IFT25: variants seen among roughly 807,000 people sequenced by gnomAD.
The protein encoded by IFT25 is intraflagellar transport protein 25 homolog.
chr1:53,936,467 C>T, the IFT25 span, among the ~76,000 whole-genome samples: 7 of 152,128 alleles, frequency 4.6e-5, no homozygotes, highest in South Asian at 1.5e-3. Flanking sequence ...ATAAAAAAGA[C>T]ATCTAACTAA....
At chr1:53,921,732 A>G in the IFT25 span, 2 of 1,613,918 alleles carry the variant, frequency 1.2e-6, no homozygotes, top group Non-Finnish European at 8.5e-7. Context: ...CTGATACAAT[A>G]ATGAATCTCA....
chr1:53,942,239 T>A, the IFT25 span, among the ~76,000 whole-genome samples: 1 of 152,152 alleles, frequency 6.6e-6, no homozygotes, highest in Non-Finnish European at 1.5e-5. Flanking sequence ...TTGAAAAAAA[T>A]CCATCATACA....
At chr1:53,937,496 G>GTAT in the IFT25 span, among the ~76,000 whole-genome samples, 2 of 152,148 alleles carry the variant, frequency 1.3e-5, no homozygotes, top group Non-Finnish European at 1.5e-5. Flanking sequence ...AGTCCCCGAT[G>GTAT]TATTCTGTTC....
At chr1:53,939,129 C>T in the IFT25 span, among the ~76,000 whole-genome samples, 8 of 147,932 alleles carry the variant, frequency 5.4e-5, no homozygotes, top group African/African-American at 1.0e-4. Flanking sequence ...CAGTAGCTTA[C>T]GCCTGTAATC....
the IFT25 span, among the ~76,000 whole-genome samples, chr1:53,925,237 CTCTG>C: frequency 3.3e-5 from 5 of 152,066 alleles, no homozygotes; most frequent in South Asian, 8.3e-4. Context: ...GGTTACATTA[CTCTG>C]TCTATCTAAA....
the IFT25 span, among the ~76,000 whole-genome samples, chr1:53,919,259 A>C: frequency 6.6e-6 from 1 of 152,202 alleles, no homozygotes; most frequent in Non-Finnish European, 1.5e-5. Flanking sequence ...GCAAACAGAG[A>C]CTCAAAGACC....
the IFT25 span, chr1:53,916,532 A>G: frequency 6.1e-6 from 1 of 163,418 alleles, no homozygotes; most frequent in Non-Finnish European, 1.3e-5. Flanking sequence ...TTACACAAAG[A>G]GTTATTGCCA....
the IFT25 span, among the ~76,000 whole-genome samples, chr1:53,913,512 C>T: frequency 2.0e-5 from 3 of 152,126 alleles, no homozygotes; most frequent in Admixed American, 6.6e-5. Flanking sequence ...AGTCAGGTGG[C>T]GCAATCTGCA....
At chr1:53,942,729 CAA>C in the IFT25 span, among the ~76,000 whole-genome samples, 1 of 152,208 alleles carries the variant, frequency 6.6e-6, no homozygotes, top group Non-Finnish European at 1.5e-5. Flanking sequence ...ACCAATTGAA[CAA>C]AGGGCCAACC....
At chr1:53,927,808 T>C in the IFT25 span, among the ~76,000 whole-genome samples, 4 of 152,244 alleles carry the variant, frequency 2.6e-5, no homozygotes, top group Non-Finnish European at 4.4e-5. Flanking sequence ...AAGAAGTTAC[T>C]ACTCTTCAAT....
the IFT25 span, chr1:53,940,243 G>C: frequency 1.7e-6 from 1 of 578,102 alleles, no homozygotes; most frequent in Non-Finnish European, 3.0e-6. Flanking sequence ...TAACATGTTT[G>C]TTTAGGTAAG....
chr1:53,935,938 T>C, the IFT25 span, among the ~76,000 whole-genome samples: 4 of 152,238 alleles, frequency 2.6e-5, no homozygotes, highest in South Asian at 6.2e-4. Context: ...ACCAATAGAA[T>C]AACATAAAAT....
the IFT25 span, chr1:53,939,857 A>T: frequency 3.1e-6 from 2 of 639,708 alleles, no homozygotes; most frequent in Non-Finnish European, 5.5e-6. Flanking sequence ...CCAAAAGTGG[A>T]TATCAGGTAA....
chr1:53,923,998 G>T, the IFT25 span: 2 of 1,143,272 alleles, frequency 1.7e-6, no homozygotes, highest in Non-Finnish European at 2.6e-6. Context: ...AAATACATGA[G>T]AATAGCTATT....
the IFT25 span, among the ~76,000 whole-genome samples, chr1:53,931,325 G>A: frequency 6.6e-6 from 1 of 152,048 alleles, no homozygotes; most frequent in East Asian, 1.9e-4. Flanking sequence ...TGGGACATAG[G>A]GTAAAAGTAT....
the IFT25 span, among the ~76,000 whole-genome samples, chr1:53,911,947 G>A: frequency 1.3e-5 from 2 of 152,030 alleles, no homozygotes; most frequent in Admixed American, 6.6e-5. Flanking sequence ...CTGCTTCCTC[G>A]GGCCCTTTTT....
the IFT25 span, chr1:53,929,551 T>C: frequency 6.6e-6 from 1 of 152,594 alleles, no homozygotes; most frequent in African/African-American, 2.4e-5. Flanking sequence ...CCAAGGGAGA[T>C]TATCCCCCTA....
the IFT25 span, among the ~76,000 whole-genome samples, chr1:53,918,377 G>C: frequency 6.6e-6 from 1 of 152,174 alleles, no homozygotes; most frequent in Non-Finnish European, 1.5e-5. Context: ...TCCAGACCCA[G>C]ACTGATAAAA....
the IFT25 span, among the ~76,000 whole-genome samples, chr1:53,944,154 T>G: frequency 9.9e-5 from 15 of 152,214 alleles, no homozygotes; most frequent in Non-Finnish European, 2.2e-4. Flanking sequence ...CGGCAGAGAC[T>G]TGGTTTTCTT....
Sources: gnomAD v4.1 joint callset for allele counts (sites outside exome capture counted in the v4.1 genomes callset) on GRCh38, gnomAD v4.1.1 for gene constraint, MANE v1.5 for transcripts, NCBI Gene and HGNC (gene_info 2026-07-23, HGNC 2026-07-21) for gene names.